TMTC2: variants seen among roughly 807,000 people sequenced by gnomAD.
The protein encoded by TMTC2 is transmembrane O-mannosyltransferase targeting cadherins 2, also known as protein O-mannosyl-transferase TMTC2.
In TMTC2, 43 loss-of-function variants were observed where a neutral mutation model predicts 82.4. The ratio of observed to expected loss-of-function variants is 0.52; its 90% CI spans 0.41 to 0.67. TMTC2 has a LOEUF of 0.67. Among genes scored for constraint, TMTC2 ranks in the 30% least tolerant of loss-of-function variants. The pLI, the probability that TMTC2 is intolerant of heterozygous loss-of-function variation, is 0.00. For synonymous variants in TMTC2, 408 were observed against 381.9 expected, an observed-to-expected ratio of 1.07 and a Z score of -0.80; for missense variants, 919 against 1,012.4, an observed-to-expected ratio of 0.91 and a Z score of 1.25.
At chr12:83,092,387 A>G (rs752729102) in intron 11 of TMTC2, among the ~76,000 whole-genome samples, 1 of 152,180 alleles carries the variant, frequency 6.6e-6, no homozygotes, top group Non-Finnish European at 1.5e-5. Flanking sequence ...GTGTTGGAAA[A>G]CAAAAGAAAG....
chr12:82,731,774 T>C (rs1045037404), intron 1 of TMTC2, among the ~76,000 whole-genome samples: 6 of 152,246 alleles, frequency 3.9e-5, no homozygotes, highest in Non-Finnish European at 7.3e-5. Flanking sequence ...AGTAAGTGTT[T>C]AGCTGACAAG....
At chr12:82,873,752 G>A (rs1161231041) in intron 2 of TMTC2, among the ~76,000 whole-genome samples, 2 of 152,086 alleles carry the variant, frequency 1.3e-5, no homozygotes, top group South Asian at 2.1e-4. Context: ...GCTTTGATGG[G>A]GAGTTTTATC....
intron 1 of TMTC2, among the ~76,000 whole-genome samples, chr12:82,846,292 A>C (rs907041388): frequency 6.6e-6 from 1 of 152,080 alleles, no homozygotes; most frequent in African/African-American, 2.4e-5. Context: ...CAGGAGGCGG[A>C]GGTTGCAGTG....
chr12:83,122,468 G>A (rs779318379), intron 11 of TMTC2, among the ~76,000 whole-genome samples: 9 of 152,164 alleles, frequency 5.9e-5, no homozygotes, highest in Non-Finnish European at 1.0e-4. Context: ...GGCTTGCTAC[G>A]GAACCCAGCA....
chr12:83,046,640 A>T (rs1463737128), intron 9 of TMTC2, among the ~76,000 whole-genome samples: 1 of 152,068 alleles, frequency 6.6e-6, no homozygotes, highest in African/African-American at 2.4e-5. Flanking sequence ...GTTCCTACTC[A>T]CTGAAACTTG....
intron 1 of TMTC2, among the ~76,000 whole-genome samples, chr12:82,784,668 G>A (rs1021122227): frequency 6.6e-6 from 1 of 152,066 alleles, no homozygotes; most frequent in Non-Finnish European, 1.5e-5. Context: ...TTTAACTTCC[G>A]TCTTGAAGTC....
intron 7 of TMTC2, among the ~76,000 whole-genome samples, chr12:82,984,564 T>G (rs535552865): frequency 3.9e-5 from 6 of 152,158 alleles, no homozygotes; most frequent in Admixed American, 6.5e-5. Flanking sequence ...TGATTACGCC[T>G]CTAAAAGAAA....
At chr12:82,997,795 G>A (rs776004880) in intron 8 of TMTC2, among the ~76,000 whole-genome samples, 1 of 151,374 alleles carries the variant, frequency 6.6e-6, no homozygotes, top group Non-Finnish European at 1.5e-5. Flanking sequence ...AAATCCAGTA[G>A]CCAAATTAGT....
At position 82,930,444 on chromosome 12, in the gene TMTC2, T is replaced by C; in HGVS notation, c.1497T>C (p.Leu499=). 1 of 1,592,680 alleles carries C rather than the reference T, an allele frequency of 6.3e-7. No individual in the cohort carries two copies. The highest frequency in any genetic ancestry group is 8.6e-7 in the Non-Finnish European group (1 of 1,165,076). The change falls in exon 4 of 12, where the codon CTT becomes CTC. Residue 499 remains leucine, a synonymous_variant. Transcript: ENST00000321196. ...KVNPAKAWGN[L]GNVLKSQSKI... ...TCTTCTTGGCAGCATGGGGTAACCTTGGAAATGTTCTGAAGAGTCAGAGCA... is the reference window on the plus strand; with the variant it reads ...TCTTCTTGGCAGCATGGGGTAACCTCGGAAATGTTCTGAAGAGTCAGAGCA...
intron 1 of TMTC2, among the ~76,000 whole-genome samples, chr12:82,843,243 C>T (rs993562521): frequency 3.3e-5 from 5 of 152,068 alleles, no homozygotes; most frequent in Admixed American, 3.3e-4. Flanking sequence ...CCCGCCACCA[C>T]GCCCAGCTAA....
chr12:82,933,065 T>C (rs1876129719), intron 4 of TMTC2, among the ~76,000 whole-genome samples: 1 of 152,182 alleles, frequency 6.6e-6, no homozygotes, highest in Admixed American at 6.5e-5. Flanking sequence ...TTCCCCGTAA[T>C]TGTTGGAAAT....
chr12:83,047,582 T>C (rs1469379197), intron 9 of TMTC2, among the ~76,000 whole-genome samples: 1 of 152,210 alleles, frequency 6.6e-6, no homozygotes, highest in Non-Finnish European at 1.5e-5. Context: ...TTGTGGCCTG[T>C]TGAGAAGAGA....
intron 1 of TMTC2, among the ~76,000 whole-genome samples, chr12:82,853,432 T>G (rs1185293750): frequency 6.6e-6 from 1 of 152,144 alleles, no homozygotes; most frequent in Non-Finnish European, 1.5e-5. Context: ...GGTAAAATTA[T>G]GAGATGTGTT....
chr12:83,041,865 G>C (rs1005642085), intron 9 of TMTC2, among the ~76,000 whole-genome samples: 1 of 152,142 alleles, frequency 6.6e-6, no homozygotes, highest in Admixed American at 6.5e-5. Context: ...TCTCAACATG[G>C]CTCATCTTGG....
chr12:82,881,132 T>A (rs1872807063), intron 2 of TMTC2, among the ~76,000 whole-genome samples: 1 of 152,200 alleles, frequency 6.6e-6, no homozygotes, highest in African/African-American at 2.4e-5. Context: ...AGGCTAGGCA[T>A]GCTTTAAAAG....
chr12:83,072,890 A>T (rs932963641), intron 11 of TMTC2, among the ~76,000 whole-genome samples: 3 of 151,964 alleles, frequency 2.0e-5, no homozygotes, highest in African/African-American at 7.3e-5. Flanking sequence ...GTGAGTCCTT[A>T]TATGTTAAGT....
At chr12:83,122,595 C>T (rs956866646) in intron 11 of TMTC2, among the ~76,000 whole-genome samples, 1 of 152,146 alleles carries the variant, frequency 6.6e-6, no homozygotes, top group Non-Finnish European at 1.5e-5. Context: ...TTTTCATTTT[C>T]GCCAGTGGGG....
chr12:83,097,798 T>C (rs908924508), intron 11 of TMTC2, among the ~76,000 whole-genome samples: 1 of 152,110 alleles, frequency 6.6e-6, no homozygotes, highest in African/African-American at 2.4e-5. Context: ...TGCAAATATA[T>C]GCGCATGCAC....
intron 1 of TMTC2, among the ~76,000 whole-genome samples, chr12:82,851,463 C>A (rs1178136995): frequency 6.6e-6 from 1 of 152,186 alleles, no homozygotes; most frequent in Non-Finnish European, 1.5e-5. Context: ...ATGTTACATA[C>A]TCACATTATA....
Sources: gnomAD v4.1 joint callset for allele counts (sites outside exome capture counted in the v4.1 genomes callset) on GRCh38, gnomAD v4.1.1 for gene constraint, MANE v1.5 for transcripts, NCBI Gene and HGNC (gene_info 2026-07-23, HGNC 2026-07-21) for gene names.